The following GRID1 variants were observed in gnomAD, a reference collection of about 807,000 sequenced individuals.
The protein encoded by GRID1 is glutamate receptor ionotropic, delta-1.
A neutral mutation model predicts 98.0 loss-of-function variants in GRID1; 28 were observed. The ratio of observed to expected loss-of-function variants is 0.29; its 90% CI spans 0.21 to 0.39. The LOEUF (loss-of-function observed/expected upper bound fraction) is 0.39, where lower values mean the gene tolerates loss of function less well. GRID1 is among the 10% of genes least tolerant of loss of function. The pLI is 1.00. For missense variants in GRID1, 1,111 were observed against 1,340.5 expected (o/e 0.83, Z 2.67); for synonymous variants, 553 against 538.5 (o/e 1.03, Z -0.37).
At position 85,820,141 on chromosome 10, in the gene GRID1, C is replaced by CAGAAAGAAAGAAAGAAAGAAAGAAAGAA. The variant is rs71016112; in HGVS notation, c.1233+34327_1233+34354dup. Reference sequence around the variant, plus strand: ...AAGAAAGAAGGGAGAAAGAAAGAAACAGAAAGAAAGAAAGAAAGAAAGAAA... The same window carrying CAGAAAGAAAGAAAGAAAGAAAGAAAGAA: ...AAGAAAGAAGGGAGAAAGAAAGAAACAGAAAGAAAGAAAGAAAGAAAGAAAGAAAGAAAGAAAGAAAGAAAGAAAGAAA... On this transcript the variant is annotated intron_variant, in intron 8 of 15. Coordinates refer to ENST00000327946, the MANE Select transcript of GRID1 (RefSeq NM_017551.3). Among the ~76,000 whole-genome samples, 158 of 114,788 alleles carry CAGAAAGAAAGAAAGAAAGAAAGAAAGAA rather than the reference C, an allele frequency of 1.4e-3. 3 individuals carry two copies. Among genetic ancestry groups the CAGAAAGAAAGAAAGAAAGAAAGAAAGAA allele is most frequent in the African/African-American group, 4.1e-3 (112 of 27,040 alleles). The allele number at this position is 114,788 out of a possible 152,430, so 75.3% of individuals were successfully genotyped here.
intron 2 of GRID1, among the ~76,000 whole-genome samples, chr10:86,339,002 G>A (rs537628384): frequency 3.2e-4 from 48 of 152,182 alleles, no homozygotes; most frequent in Non-Finnish European, 5.6e-4. Context: ...AAAACTAGTC[G>A]GTGACAGAGC....
At chr10:85,999,011 G>A (rs180716306) in intron 4 of GRID1, among the ~76,000 whole-genome samples, 2 of 152,086 alleles carry the variant, frequency 1.3e-5, no homozygotes, top group Admixed American at 6.5e-5. Context: ...TCGGGAGTTC[G>A]AGACCAGTCT....
At chr10:85,718,769 T>C (rs113672839) in intron 12 of GRID1, among the ~76,000 whole-genome samples, 1 of 152,188 alleles carries the variant, frequency 6.6e-6, no homozygotes, top group Non-Finnish European at 1.5e-5. Context: ...GGGGCTGCCA[T>C]GAAGGTCTCT....
At chr10:86,293,739 G>A (rs1044539417) in intron 2 of GRID1, among the ~76,000 whole-genome samples, 3 of 152,050 alleles carry the variant, frequency 2.0e-5, no homozygotes, top group Non-Finnish European at 4.4e-5. Flanking sequence ...AGGAGACACT[G>A]CAGCTGGGGT....
In GRID1 at chr10:86,226,433, A is replaced by G. The variant is rs535677624; in HGVS notation, c.236-19785T>C. ...CCAGCACACCCTCCCACCCCAGCAT[A>G]CCCTCCCACCCCAGCATACCCTCCC... On this transcript the variant is annotated intron_variant, in intron 2 of 15. Transcript: ENST00000327946. 1.2e-4 allele frequency among the ~76,000 whole-genome samples: 3 copies of G among 24,346 alleles called. 1 individual carries two copies. Among genetic ancestry groups the G allele is most frequent in the Admixed American group, 4.3e-4 (1 of 2,316 alleles). The allele number at this position is 24,346 out of a possible 152,430, so 16.0% of individuals were successfully genotyped here.
At chr10:85,910,897 G>A (rs1223543763) in intron 5 of GRID1, among the ~76,000 whole-genome samples, 4 of 152,242 alleles carry the variant, frequency 2.6e-5, no homozygotes, top group Non-Finnish European at 5.9e-5. Context: ...GCAGATGTCT[G>A]CAAGAAAGGG....
At chr10:85,625,964 C>T (rs567311850) in intron 13 of GRID1, among the ~76,000 whole-genome samples, 8 of 152,184 alleles carry the variant, frequency 5.3e-5, no homozygotes, top group Non-Finnish European at 7.3e-5. Flanking sequence ...AACCTCATTA[C>T]GCTATTCCAT....
intron 2 of GRID1, among the ~76,000 whole-genome samples, chr10:86,229,092 C>T (rs67228515): frequency 0.28 from 43,187 of 151,964 alleles, 6,987 homozygotes; most frequent in Non-Finnish European, 0.38. Context: ...GGGAGGGTCC[C>T]CACATGATCT....
chr10:85,684,062 C>A (rs73326693), intron 12 of GRID1, among the ~76,000 whole-genome samples: 2,904 of 152,262 alleles, frequency 0.019, 83 homozygotes, highest in African/African-American at 0.066. Flanking sequence ...ACTTCAGAAA[C>A]CATCCATTTA....
intron 12 of GRID1, among the ~76,000 whole-genome samples, chr10:85,681,783 C>A (rs1003748418): frequency 6.6e-6 from 1 of 152,094 alleles, no homozygotes; most frequent in Admixed American, 6.5e-5. Flanking sequence ...GCAAGCTGCC[C>A]GATGGAGGGT....
chr10:86,039,440 C>G (rs979416100), intron 4 of GRID1, among the ~76,000 whole-genome samples: 1 of 152,200 alleles, frequency 6.6e-6, no homozygotes, highest in African/African-American at 2.4e-5. Flanking sequence ...TCCCTTTCCC[C>G]ATGTTTTATC....
At chr10:86,083,053 G>A (rs1344525662) in intron 4 of GRID1, among the ~76,000 whole-genome samples, 2 of 152,176 alleles carry the variant, frequency 1.3e-5, no homozygotes, top group Non-Finnish European at 2.9e-5. Context: ...CCAGCACAAA[G>A]CCAGACACAT....
chr10:85,795,420 T>C (rs948781897), intron 8 of GRID1, among the ~76,000 whole-genome samples: 2 of 152,134 alleles, frequency 1.3e-5, no homozygotes, highest in African/African-American at 4.8e-5. Flanking sequence ...TCTAGTCCTA[T>C]CTCAAAAAGC....
intron 4 of GRID1, among the ~76,000 whole-genome samples, chr10:85,974,135 C>A (rs191867873): frequency 6.6e-6 from 1 of 152,326 alleles, no homozygotes; most frequent in Admixed American, 6.5e-5. Context: ...TCAGAACTTG[C>A]ATGCTCACTT....
At chr10:85,764,391 T>C (rs1441936474) in intron 8 of GRID1, among the ~76,000 whole-genome samples, 4 of 152,202 alleles carry the variant, frequency 2.6e-5, no homozygotes, top group African/African-American at 9.6e-5. Context: ...CATAGCACTT[T>C]TTGGTAGCAT....
chr10:85,638,148 A>G (rs1843072500), intron 13 of GRID1, among the ~76,000 whole-genome samples: 1 of 152,216 alleles, frequency 6.6e-6, no homozygotes, highest in African/African-American at 2.4e-5. Context: ...TTTATGCACA[A>G]AAAAGTTGAA....
intron 6 of GRID1, 30 bp downstream of exon 6, chr10:85,868,980 G>T (rs899566616): frequency 1.3e-6 from 2 of 1,596,802 alleles, no homozygotes; most frequent in Non-Finnish European, 1.7e-6. Context: ...CTTGGTGGAG[G>T]GGACTGGAGA....
chr10:85,673,075 T>C (rs1178020516), intron 12 of GRID1, among the ~76,000 whole-genome samples: 2 of 152,224 alleles, frequency 1.3e-5, no homozygotes, highest in East Asian at 3.9e-4. Flanking sequence ...CCAACCCTGA[T>C]GGATGACTTT....
intron 13 of GRID1, among the ~76,000 whole-genome samples, chr10:85,637,510 G>A (rs1030535995): frequency 6.6e-6 from 1 of 152,192 alleles, no homozygotes; most frequent in Non-Finnish European, 1.5e-5. Context: ...GACAGCAACT[G>A]TGAAGCAGTG....
Sources: gnomAD v4.1 joint callset for allele counts (sites outside exome capture counted in the v4.1 genomes callset) on GRCh38, gnomAD v4.1.1 for gene constraint, MANE v1.5 for transcripts, NCBI Gene and HGNC (gene_info 2026-07-23, HGNC 2026-07-21) for gene names.